Variants in AKAP6 observed in about 807,000 individuals in gnomAD.
AKAP6 encodes the protein A-kinase anchor protein 6.
In AKAP6, 58 loss-of-function variants were observed where a neutral mutation model predicts 188.5. That is an observed-to-expected ratio of 0.31 (90% CI 0.25 to 0.38). AKAP6 has a LOEUF of 0.38. Ranked by LOEUF, AKAP6 falls within the 10% of genes least tolerant of loss-of-function variation. The probability of loss-of-function intolerance (pLI) is 1.00; values close to 1 mark genes in which losing one functional copy is unlikely to be tolerated. For synonymous variants in AKAP6, 989 were observed against 998.6 expected (o/e 0.99, Z 0.18); for missense variants, 2,710 against 2,740.0 (o/e 0.99, Z 0.24).
chr14:32,428,459 C>T (rs952400187), intron 1 of AKAP6, among the ~76,000 whole-genome samples: 2 of 151,930 alleles, frequency 1.3e-5, no homozygotes, highest in African/African-American at 2.4e-5. Flanking sequence ...CATGGTGCAG[C>T]CCCGACACTG....
intron 2 of AKAP6, among the ~76,000 whole-genome samples, chr14:32,453,596 T>C (rs1361190704): frequency 0.017 from 1,215 of 71,316 alleles, 97 homozygotes; most frequent in Middle Eastern, 0.048. Context: ...TTTTTTTTTT[T>C]TTTTTTTTTT....
At chr14:32,682,052 T>C (rs1246807021) in intron 8 of AKAP6, among the ~76,000 whole-genome samples, 2 of 152,122 alleles carry the variant, frequency 1.3e-5, no homozygotes, top group Admixed American at 6.5e-5. Flanking sequence ...GGATTTTAAG[T>C]GTCAAGTTAG....
rs1045473331 is a variant in AKAP6, at chr14:32,836,845, C to G, written c.*7040C>G. ...TTTATGTGCTGCCCCAGGTAATCCA[C>G]AGGCACAAAGAACTTGAGCTTCCTG... On this transcript the variant is annotated 3_prime_UTR_variant, in exon 14 of 14. Transcript: ENST00000280979. 6.6e-6 allele frequency: 1 copy of G among 152,144 alleles called. No homozygotes were observed. The highest frequency in any genetic ancestry group is 2.4e-5 in the African/African-American group (1 of 41,430). The allele number at this position is 152,144 out of a possible 1,614,324, so 9.4% of individuals were successfully genotyped here.
chr14:32,362,054 C>T (rs1246740313), intron 1 of AKAP6, among the ~76,000 whole-genome samples: 1 of 152,044 alleles, frequency 6.6e-6, no homozygotes, highest in African/African-American at 2.4e-5. Flanking sequence ...CAGTGCTTGG[C>T]CTATTGTAGG....
chr14:32,450,965 A>C (rs1566509607), intron 2 of AKAP6, among the ~76,000 whole-genome samples: 1 of 152,224 alleles, frequency 6.6e-6, no homozygotes, highest in Non-Finnish European at 1.5e-5. Flanking sequence ...TGAAAATAAC[A>C]AAACGAGGAA....
At chr14:32,429,574 A>C (rs977324613) in intron 1 of AKAP6, among the ~76,000 whole-genome samples, 1 of 152,232 alleles carries the variant, frequency 6.6e-6, no homozygotes, top group Non-Finnish European at 1.5e-5. Context: ...GCTTTTCATG[A>C]AAATGGGCAA....
chr14:32,565,319 A>G (rs1884138991), intron 4 of AKAP6, among the ~76,000 whole-genome samples: 1 of 152,120 alleles, frequency 6.6e-6, no homozygotes, highest in Admixed American at 6.5e-5. Flanking sequence ...AAAAACTGGA[A>G]AAAATTCTCC....
At chr14:32,757,386 T>G (rs2032377585) in intron 11 of AKAP6, among the ~76,000 whole-genome samples, 1 of 151,926 alleles carries the variant, frequency 6.6e-6, no homozygotes, top group Non-Finnish European at 1.5e-5. Flanking sequence ...TTGGTAGGGG[T>G]GGGGAAGAGG....
chr14:32,429,005 G>T (rs1890129215), intron 1 of AKAP6, among the ~76,000 whole-genome samples: 1 of 152,172 alleles, frequency 6.6e-6, no homozygotes, highest in Non-Finnish European at 1.5e-5. Context: ...GATAAAGGTG[G>T]TATTATCGCT....
chr14:32,403,301 C>T (rs1392984426), intron 1 of AKAP6: 1 of 152,072 alleles, frequency 6.6e-6, no homozygotes, highest in Non-Finnish European at 1.5e-5. Flanking sequence ...ATTAATAGGT[C>T]CCGAGATGTT....
intron 5 of AKAP6, among the ~76,000 whole-genome samples, chr14:32,584,357 T>G (rs34927020): frequency 0.29 from 43,438 of 152,076 alleles, 7,310 homozygotes; most frequent in Middle Eastern, 0.39. Context: ...GCAGGATGGT[T>G]CAAGACTTCA....
chr14:32,566,659 A>G (rs928748372), intron 4 of AKAP6, among the ~76,000 whole-genome samples: 6 of 152,212 alleles, frequency 3.9e-5, no homozygotes, highest in Non-Finnish European at 7.3e-5. Flanking sequence ...AGTTCGAACA[A>G]AAAAAGGCAA....
At chr14:32,826,747 A>G (rs1289140279) in intron 13 of AKAP6, among the ~76,000 whole-genome samples, 1 of 152,148 alleles carries the variant, frequency 6.6e-6, no homozygotes, top group East Asian at 1.9e-4. Flanking sequence ...TTAGACTTGG[A>G]GGAAGTGAAT....
At chr14:32,598,822 T>C (rs1414702441) in intron 5 of AKAP6, among the ~76,000 whole-genome samples, 2 of 152,118 alleles carry the variant, frequency 1.3e-5, no homozygotes, top group Non-Finnish European at 2.9e-5. Context: ...TTGTGCTTGA[T>C]GTATTTGTTT....
intron 4 of AKAP6, 87 bp downstream of exon 4, chr14:32,547,086 T>G (rs922405078): frequency 2.4e-6 from 3 of 1,227,934 alleles, no homozygotes; most frequent in Non-Finnish European, 1.1e-6. Flanking sequence ...CACTCTATTA[T>G]AAAATGTATG....
At chr14:32,563,002 A>G (rs962610179) in intron 4 of AKAP6, among the ~76,000 whole-genome samples, 2 of 152,154 alleles carry the variant, frequency 1.3e-5, no homozygotes, top group African/African-American at 4.8e-5. Context: ...TGCCCATTTC[A>G]CTTTCTAGAC....
Position 32,822,386 on chromosome 14 carries a change from C to T in AKAP6, c.4573C>T (p.His1525Tyr), listed in dbSNP as rs570124593. 2.2e-5 allele frequency: 35 copies of T among 1,613,976 alleles called. 1 individual carries two copies. In the South Asian group the frequency reaches 2.9e-4, roughly 13 times the overall value. ...TTELQPDVPP[H>Y]ERILASASHE... Reference sequence around the variant, plus strand: ...AGAGTTACAACCAGATGTACCTCCCCATGAAAGGATTTTGGCAAGTGCATC... The same window carrying T: ...AGAGTTACAACCAGATGTACCTCCCTATGAAAGGATTTTGGCAAGTGCATC... Residue 1525 changes from histidine to tyrosine, a missense_variant, in exon 13 of 14, where the codon CAT (histidine) becomes TAT (tyrosine). Coordinates refer to ENST00000280979, the MANE Select transcript of AKAP6 (RefSeq NM_004274.5).
intron 11 of AKAP6, 99 bp downstream of exon 11, chr14:32,735,981 T>C: frequency 1.1e-6 from 1 of 876,148 alleles, no homozygotes; most frequent in Admixed American, 2.9e-5. Context: ...TATCTGTGTA[T>C]CACTGTGCAC....
chr14:32,475,106 A>G (rs902263242), intron 2 of AKAP6, among the ~76,000 whole-genome samples: 2 of 152,174 alleles, frequency 1.3e-5, no homozygotes, highest in Non-Finnish European at 2.9e-5. Flanking sequence ...TTTACTTTCA[A>G]TGGTTTATGG....
Sources: gnomAD v4.1 joint callset for allele counts (sites outside exome capture counted in the v4.1 genomes callset) on GRCh38, gnomAD v4.1.1 for gene constraint, MANE v1.5 for transcripts, NCBI Gene and HGNC (gene_info 2026-07-23, HGNC 2026-07-21) for gene names.